Variants in PRKG1 observed in about 807,000 individuals in gnomAD.
PRKG1 encodes protein kinase cGMP-dependent 1.
A neutral mutation model predicts 88.1 loss-of-function variants in PRKG1; 35 were observed. The observed-to-expected ratio is 0.40, with a 90% CI of 0.30 to 0.53. The LOEUF is 0.53. Ranked by LOEUF, PRKG1 falls within the 20% of genes least tolerant of loss-of-function variation. The pLI, the probability that PRKG1 is intolerant of heterozygous loss-of-function variation, is 0.59. For missense variants in PRKG1, 540 were observed against 839.8 expected (o/e 0.64, Z 4.41); for synonymous variants, 303 against 292.5 (o/e 1.04, Z -0.37).
At chr10:51,830,575 T>TTG (rs1589329797) in intron 4 of PRKG1, among the ~76,000 whole-genome samples, 1 of 145,034 alleles carries the variant, frequency 6.9e-6, no homozygotes, top group East Asian at 2.0e-4. Flanking sequence ...TTTTTTTTTT[T>TTG]TTTTGAGTCA....
intron 3 of PRKG1, among the ~76,000 whole-genome samples, chr10:51,727,024 C>G (rs1842149504): frequency 6.6e-6 from 1 of 152,132 alleles, no homozygotes; most frequent in Admixed American, 6.6e-5. Flanking sequence ...CATGATCCGC[C>G]TGCCTCGGCC....
At chr10:51,657,899 G>A (rs770952644) in intron 3 of PRKG1, among the ~76,000 whole-genome samples, 17 of 152,156 alleles carry the variant, frequency 1.1e-4, no homozygotes, top group South Asian at 2.1e-4. Context: ...CTGGGCTCCA[G>A]TGAAAAGCAA....
intron 5 of PRKG1, among the ~76,000 whole-genome samples, chr10:52,033,661 T>C (rs958379176): frequency 6.6e-6 from 1 of 152,182 alleles, no homozygotes; most frequent in Admixed American, 6.5e-5. Context: ...CTAAAGTATA[T>C]GTAAAGCAGG....
intron 2 of PRKG1, among the ~76,000 whole-genome samples, chr10:51,450,597 C>G (rs1220317061): frequency 1.3e-5 from 2 of 151,952 alleles, no homozygotes; most frequent in African/African-American, 4.8e-5. Flanking sequence ...TCTGGGCCAT[C>G]ATTTCAGTTC....
intron 3 of PRKG1, among the ~76,000 whole-genome samples, chr10:51,639,325 T>C (rs1839735675): frequency 6.6e-6 from 1 of 151,004 alleles, no homozygotes; most frequent in Admixed American, 6.6e-5. Context: ...TCCCAGCTAC[T>C]TGGGAGGCTG....
At chr10:51,571,348 AT>A (rs1837747867) in intron 3 of PRKG1, among the ~76,000 whole-genome samples, 1 of 151,980 alleles carries the variant, frequency 6.6e-6, no homozygotes, top group Non-Finnish European at 1.5e-5. Flanking sequence ...TCTCAACATT[AT>A]GATTTTCTCA....
At chr10:51,708,490 C>G (rs527909156) in intron 3 of PRKG1, among the ~76,000 whole-genome samples, 1 of 152,158 alleles carries the variant, frequency 6.6e-6, no homozygotes, top group Non-Finnish European at 1.5e-5. Context: ...CTATTCCCAT[C>G]TCTTTCTCTC....
intron 7 of PRKG1, among the ~76,000 whole-genome samples, chr10:52,127,812 A>G (rs1322227507): frequency 1.3e-5 from 2 of 152,132 alleles, no homozygotes; most frequent in Non-Finnish European, 2.9e-5. Flanking sequence ...TGTGGGTTTT[A>G]TTACAGTGTT....
At chr10:52,147,114 T>C (rs1837749882) in intron 8 of PRKG1, among the ~76,000 whole-genome samples, 1 of 152,162 alleles carries the variant, frequency 6.6e-6, no homozygotes, top group Non-Finnish European at 1.5e-5. Flanking sequence ...ATCTGAGACT[T>C]CAGAAAACTG....
chr10:51,272,736 C>G (rs55944021), intron 2 of PRKG1, among the ~76,000 whole-genome samples: 9,592 of 152,108 alleles, frequency 0.063, 990 homozygotes, highest in African/African-American at 0.22. Context: ...AGGATGCAGC[C>G]CAGCCTCTGT....
At chr10:52,083,625 A>G (rs1361896606) in intron 7 of PRKG1, among the ~76,000 whole-genome samples, 1 of 152,006 alleles carries the variant, frequency 6.6e-6, no homozygotes, top group Non-Finnish European at 1.5e-5. Flanking sequence ...GCTTTGAGTT[A>G]TTTTACAAAA....
chr10:51,482,512 G>A (rs996673519), intron 3 of PRKG1, among the ~76,000 whole-genome samples: 25 of 152,050 alleles, frequency 1.6e-4, no homozygotes, highest in African/African-American at 6.0e-4. Context: ...TGGCTCACTA[G>A]GACTTTCCCT....
At chr10:51,971,794 T>C (rs977391745) in intron 5 of PRKG1, among the ~76,000 whole-genome samples, 2 of 152,174 alleles carry the variant, frequency 1.3e-5, no homozygotes, top group Non-Finnish European at 2.9e-5. Context: ...ATTCATTTTG[T>C]CATAGAGTTG....
chr10:51,188,305 A>G (rs1344870776), intron 2 of PRKG1, among the ~76,000 whole-genome samples: 2 of 152,020 alleles, frequency 1.3e-5, no homozygotes, highest in Non-Finnish European at 2.9e-5. Flanking sequence ...TTAGAAATAC[A>G]TGAGGCTTTT....
intron 3 of PRKG1, among the ~76,000 whole-genome samples, chr10:51,680,950 T>C (rs1303903512): frequency 6.6e-6 from 1 of 152,178 alleles, no homozygotes; most frequent in African/African-American, 2.4e-5. Flanking sequence ...GCACTTCTTA[T>C]TATGTAAGGA....
chr10:51,725,677 A>G (rs926322756), intron 3 of PRKG1, among the ~76,000 whole-genome samples: 1 of 149,824 alleles, frequency 6.7e-6, no homozygotes, highest in Non-Finnish European at 1.5e-5. Flanking sequence ...CCTGTAGCCC[A>G]GGCTAGAGTA....
At chr10:51,036,219 A>G (rs984669231) in intron 1 of PRKG1, among the ~76,000 whole-genome samples, 1 of 152,076 alleles carries the variant, frequency 6.6e-6, no homozygotes, top group Admixed American at 6.6e-5. Flanking sequence ...TCATCAGTCA[A>G]CATCCTCCAT....
At chr10:51,472,917 G>A (rs1376751009) in intron 3 of PRKG1, among the ~76,000 whole-genome samples, 1 of 151,838 alleles carries the variant, frequency 6.6e-6, no homozygotes, top group African/African-American at 2.4e-5. Context: ...TTTTTACCAA[G>A]AATCCTGAAA....
At chr10:51,926,073 T>A (rs1005586147) in intron 5 of PRKG1, among the ~76,000 whole-genome samples, 1 of 152,178 alleles carries the variant, frequency 6.6e-6, no homozygotes, top group Non-Finnish European at 1.5e-5. Flanking sequence ...AATAATGAAA[T>A]GACAACATGA....
Sources: gnomAD v4.1 joint callset for allele counts (sites outside exome capture counted in the v4.1 genomes callset) on GRCh38, gnomAD v4.1.1 for gene constraint, MANE v1.5 for transcripts, NCBI Gene and HGNC (gene_info 2026-07-23, HGNC 2026-07-21) for gene names.